KCNQ1: variants seen among roughly 807,000 people sequenced by gnomAD.
KCNQ1 encodes potassium voltage-gated channel subfamily Q member 1, also known as potassium voltage-gated channel subfamily KQT member 1.
KCNQ1 carries 49 observed loss-of-function variants against 72.4 expected under a neutral mutation model. That is an observed-to-expected ratio of 0.68 (90% CI 0.54 to 0.86). The LOEUF is 0.86. KCNQ1 is among the 40% of genes least tolerant of loss of function. The pLI is 0.00. For missense variants in KCNQ1, 790 were observed against 945.1 expected, an observed-to-expected ratio of 0.84 and a Z score of 2.15; for synonymous variants, 450 against 412.6, an observed-to-expected ratio of 1.09 and a Z score of -1.10.
intron 11 of KCNQ1, chr11:2,662,502 G>T (rs760133113): frequency 1.8e-5 from 8 of 441,076 alleles, no homozygotes; most frequent in Non-Finnish European, 2.8e-5. Flanking sequence ...TGTCCTCAGG[G>T]GCTCCTTCAG....
At chr11:2,553,629 C>T (rs1848023986) in intron 2 of KCNQ1, among the ~76,000 whole-genome samples, 1 of 152,146 alleles carries the variant, frequency 6.6e-6, no homozygotes, top group Non-Finnish European at 1.5e-5. Context: ...GCTTCCCTTA[C>T]ACAAAGCCCA....
chr11:2,758,949 A>G (rs1279744786), intron 11 of KCNQ1, among the ~76,000 whole-genome samples: 1 of 152,064 alleles, frequency 6.6e-6, no homozygotes, highest in Non-Finnish European at 1.5e-5. Flanking sequence ...GGTGGGGAGG[A>G]CTTCCATTCC....
intron 11 of KCNQ1, among the ~76,000 whole-genome samples, chr11:2,700,510 C>T (rs1195654705): frequency 6.6e-6 from 1 of 151,978 alleles, no homozygotes; most frequent in African/African-American, 2.4e-5. Context: ...ACCCTCGAAC[C>T]CGGGCAAGGT....
rs1050310607 is a variant in KCNQ1, at chr11:2,816,973, C to T, written c.1795-30794C>T. ...TGGAGGTCCCCTCCAAAACCTTGGT[C>T]CCTGTCCGCAGAGGGTGTCAGGGCT... is the stretch of plus-strand genomic sequence containing the variant. On this transcript the variant is annotated intron_variant, in intron 15 of 15. Coordinates refer to ENST00000155840, the MANE Select transcript of KCNQ1 (RefSeq NM_000218.3). The surrounding 1 kb of genome is among the most constrained non-coding windows in gnomAD (Gnocchi z 6.8). Among the ~76,000 whole-genome samples, 1 of 152,124 alleles carries T rather than the reference C, an allele frequency of 6.6e-6. No individual in the cohort carries two copies. The highest frequency in any genetic ancestry group is 1.5e-5 in the Non-Finnish European group (1 of 68,010).
chr11:2,848,020 G>A lies in KCNQ1; in HGVS notation c.*17G>A. ...GGGTCCTGAGGAGGGGATGGGGCTG[G>A]GGGATGGGCCTGAGTGAGAGGGGAG... is the stretch of plus-strand genomic sequence containing the variant. On this transcript the variant is annotated 3_prime_UTR_variant, in exon 16 of 16. Transcript: ENST00000155840. 6.5e-7 allele frequency: 1 copy of A among 1,532,864 alleles called. No individual in the cohort carries two copies. 95.0% of individuals were successfully genotyped at this position (1,532,864 alleles called of 1,614,324 possible).
chr11:2,512,422 C>T (rs1048108631), intron 1 of KCNQ1, among the ~76,000 whole-genome samples: 4 of 152,184 alleles, frequency 2.6e-5, no homozygotes, highest in Non-Finnish European at 5.9e-5. Flanking sequence ...TCTCTGAATC[C>T]CCATTTCCCC....
At chr11:2,476,948 C>T (rs1303964214) in intron 1 of KCNQ1, among the ~76,000 whole-genome samples, 1 of 152,212 alleles carries the variant, frequency 6.6e-6, no homozygotes, top group Admixed American at 6.5e-5. Context: ...CTCGGCCTCC[C>T]AAAGTGCTGG....
Position 2,613,720 on chromosome 11 carries a change from A to C in KCNQ1, c.1393+24866A>C, listed in dbSNP as rs950571351. ...TTATTTTTTGAATACATATAACATTAACATACTTCCAAAAGTCAATACTAA... is the reference window on the plus strand; with the variant it reads ...TTATTTTTTGAATACATATAACATTCACATACTTCCAAAAGTCAATACTAA... On this transcript the variant is annotated intron_variant, in intron 10 of 15. Transcript: ENST00000155840. The surrounding 1 kb of genome is among the most constrained non-coding windows in gnomAD (Gnocchi z 4.8). 16 of 398,432 alleles carry C rather than the reference A, an allele frequency of 4.0e-5. No individual in the cohort carries two copies. Among genetic ancestry groups the C allele is most frequent in the African/African-American group, 2.9e-4 (14 of 48,614 alleles). The allele number at this position is 398,432 out of a possible 1,614,324, so 24.7% of individuals were successfully genotyped here.
intron 11 of KCNQ1, chr11:2,667,902 C>T: frequency 2.5e-6 from 1 of 398,652 alleles, no homozygotes; most frequent in Non-Finnish European, 4.4e-6. Context: ...CTTGAGGCAT[C>T]TTCAGTCCCT....
chr11:2,730,201 C>T (rs1414546206), intron 11 of KCNQ1, among the ~76,000 whole-genome samples: 2 of 152,148 alleles, frequency 1.3e-5, no homozygotes, highest in South Asian at 2.1e-4. Context: ...CTAGTCCAGG[C>T]GGAGGATGGC....
At position 2,516,073 on chromosome 11, in the gene KCNQ1, A is replaced by C. The variant is rs1225859005; in HGVS notation, c.387-11855A>C. Among the ~76,000 whole-genome samples the C allele has an allele frequency of 6.6e-6, 1 of 152,074 alleles. No homozygotes were observed. The highest frequency in any genetic ancestry group is 6.5e-5 in the Admixed American group (1 of 15,270). On this transcript the variant is annotated intron_variant, in intron 1 of 15. Coordinates refer to ENST00000155840, the MANE Select transcript of KCNQ1 (RefSeq NM_000218.3). This position sits in a 1 kb window ranked among gnomAD's most constrained non-coding sequence, Gnocchi z 7.0. ...GCTCCTGCTGGAATCTCCCTGTGGA[A>C]GGCCAGGCTGCCTGGATGCCCACCA...
chr11:2,552,115 C>T (rs867221815), intron 2 of KCNQ1, among the ~76,000 whole-genome samples: 32 of 151,404 alleles, frequency 2.1e-4, no homozygotes, highest in Middle Eastern at 3.4e-3. Flanking sequence ...CATCAGGGTT[C>T]TTCTTTTTTT....
intron 11 of KCNQ1, among the ~76,000 whole-genome samples, chr11:2,744,270 G>T (rs1478634000): frequency 6.6e-6 from 1 of 152,248 alleles, no homozygotes; most frequent in East Asian, 1.9e-4. Context: ...AGACGATGTG[G>T]CATCGGGAAC....
rs143192030 is a variant in KCNQ1 at position 2,624,921 on chromosome 11, AT to A, written c.1393+36075del. 2.5e-5 allele frequency: 10 copies of A among 398,048 alleles called. No homozygotes were observed. Among genetic ancestry groups the A allele is most frequent in the South Asian group, 1.3e-4 (1 of 7,832 alleles). 24.7% of individuals were successfully genotyped at this position (398,048 alleles called of 1,614,324 possible). ...TGTTGTGGCATGTGTCAAAATTTCTATTTTTTTTAAAGCTGAATAATATTAC... is the reference window on the plus strand; with the variant it reads ...TGTTGTGGCATGTGTCAAAATTTCTATTTTTTTAAAGCTGAATAATATTAC... On this transcript the variant is annotated intron_variant, in intron 10 of 15. Transcript: ENST00000155840. This position sits in a 1 kb window ranked among gnomAD's most constrained non-coding sequence, Gnocchi z 4.9.
At chr11:2,779,862 C>T (rs556749289) in intron 15 of KCNQ1, among the ~76,000 whole-genome samples, 2 of 152,206 alleles carry the variant, frequency 1.3e-5, no homozygotes, top group Admixed American at 1.3e-4. Context: ...CTTGAAGGCA[C>T]AAAATTATGC....
intron 15 of KCNQ1, among the ~76,000 whole-genome samples, chr11:2,798,172 C>A (rs577804374): frequency 6.6e-6 from 1 of 152,282 alleles, no homozygotes; most frequent in African/African-American, 2.4e-5. Context: ...ATGGTGCAAA[C>A]CCACATGGCA....
chr11:2,669,268 C>T lies in KCNQ1; in HGVS notation c.1514+7187C>T. ...TTCTCCTTCCCCATCACTGGCTTTG[C>T]TGTCTTTGCAGGGTTTCTCCTCACC... On this transcript the variant is annotated intron_variant, in intron 11 of 15. Transcript: ENST00000155840. The surrounding 1 kb of genome is among the most constrained non-coding windows in gnomAD (Gnocchi z 5.6). 1 of 398,726 alleles carries T rather than the reference C, an allele frequency of 2.5e-6. No homozygotes were observed. The allele number at this position is 398,726 out of a possible 1,614,324, so 24.7% of individuals were successfully genotyped here.
intron 10 of KCNQ1, chr11:2,631,169 T>A (rs1456091794): frequency 2.5e-6 from 1 of 398,470 alleles, no homozygotes; most frequent in African/African-American, 2.1e-5. Flanking sequence ...TTTCTCTGAA[T>A]TAACTTTCTA....
At chr11:2,733,075 C>T (rs1845880870) in intron 11 of KCNQ1, among the ~76,000 whole-genome samples, 1 of 152,164 alleles carries the variant, frequency 6.6e-6, no homozygotes, top group Non-Finnish European at 1.5e-5. Flanking sequence ...CCTTCTGGAG[C>T]CTCAGTTTCC....
Sources: allele counts gnomAD v4.1 joint callset (sites outside exome capture counted in the v4.1 genomes callset), GRCh38; gene constraint gnomAD v4.1.1; non-coding constraint Gnocchi (gnomAD v3.1); transcripts MANE v1.5; gene names NCBI Gene and HGNC (gene_info 2026-07-23, HGNC 2026-07-21).